The following MYO1H variants were observed in gnomAD, a reference collection of about 807,000 sequenced individuals.
MYO1H encodes myosin IH.
In MYO1H, 118 loss-of-function variants were observed where a neutral mutation model predicts 149.3. The ratio of observed to expected loss-of-function variants is 0.79; its 90% CI spans 0.68 to 0.92. The LOEUF is 0.92. Among genes scored for constraint, MYO1H ranks in the 40% least tolerant of loss-of-function variants. MYO1H has a pLI of 0.00. For synonymous variants in MYO1H, 447 were observed against 465.2 expected (o/e 0.96, Z 0.50); for missense variants, 1,212 against 1,280.7 (o/e 0.95, Z 0.82).
chr12:109,435,723 C>T (rs1871831028), intron 21 of MYO1H, among the ~76,000 whole-genome samples: 1 of 152,218 alleles, frequency 6.6e-6, no homozygotes, highest in Non-Finnish European at 1.5e-5. Context: ...ATCGTCTCCG[C>T]TTTCTATGCA....
intron 5 of MYO1H, among the ~76,000 whole-genome samples, chr12:109,398,825 C>T (rs2137046798): frequency 6.7e-6 from 1 of 148,822 alleles, no homozygotes. Context: ...GGCCAGCACT[C>T]TTTTTCGGAT....
chr12:109,379,038 G>C (rs1180478448), intron 1 of MYO1H, among the ~76,000 whole-genome samples: 4 of 152,132 alleles, frequency 2.6e-5, no homozygotes, highest in Non-Finnish European at 5.9e-5. Context: ...ATCTAAACCT[G>C]TGCTCCCTGA....
chr12:109,399,681 G>A (rs141328507), intron 5 of MYO1H, among the ~76,000 whole-genome samples: 2,866 of 152,042 alleles, frequency 0.019, 39 homozygotes, highest in South Asian at 0.051. Context: ...GGAGGTCGAG[G>A]TGAGAGGATT....
the MYO1H span, among the ~76,000 whole-genome samples, chr12:109,315,502 C>T: frequency 6.6e-6 from 1 of 152,346 alleles, no homozygotes; most frequent in African/African-American, 2.4e-5. Flanking sequence ...CAGCCACAGA[C>T]AGGCTTTGTT....
the MYO1H span, among the ~76,000 whole-genome samples, chr12:109,330,397 A>G: frequency 2.6e-5 from 4 of 152,246 alleles, no homozygotes; most frequent in Admixed American, 2.0e-4. Flanking sequence ...CAACAGACAT[A>G]CCACTTGGCT....
chr12:109,355,769 C>G (rs1367058854), intron 1 of MYO1H, among the ~76,000 whole-genome samples: 2 of 151,366 alleles, frequency 1.3e-5, no homozygotes, highest in Non-Finnish European at 2.9e-5. Context: ...CTCTGTCACC[C>G]AGGCTGGAGT....
the MYO1H span, among the ~76,000 whole-genome samples, chr12:109,341,583 G>A: frequency 6.6e-6 from 1 of 150,730 alleles, no homozygotes; most frequent in Admixed American, 6.7e-5. Context: ...GGGAAGAGGA[G>A]GATGACTTCA....
the MYO1H span, among the ~76,000 whole-genome samples, chr12:109,336,157 C>T: frequency 6.6e-6 from 1 of 152,068 alleles, no homozygotes; most frequent in East Asian, 1.9e-4. Flanking sequence ...TATATGAATC[C>T]ATTTTGCTGT....
the MYO1H span, among the ~76,000 whole-genome samples, chr12:109,334,451 C>T: frequency 6.6e-6 from 1 of 152,218 alleles, no homozygotes; most frequent in Non-Finnish European, 1.5e-5. Context: ...GCTGGGATTA[C>T]AGGTGTGAGG....
At chr12:109,409,219 CTTCTTTTT>C (rs1566031692) in intron 10 of MYO1H, among the ~76,000 whole-genome samples, 15 of 110,364 alleles carry the variant, frequency 1.4e-4, no homozygotes, top group Non-Finnish European at 2.4e-4. Context: ...TCTTCTCCTT[CTTCTTTTT>C]CTTCTTCTTC....
At position 109,407,719 on chromosome 12, in the gene MYO1H, G is replaced by GA. The variant is rs1252669748; in HGVS notation, c.1036-69dup. The GA allele has an allele frequency of 2.8e-6, 4 of 1,413,708 alleles. No individual in the cohort carries two copies. The African/African-American group carries it at 5.9e-5, about 21-fold the overall frequency. 87.6% of individuals were successfully genotyped at this position (1,413,708 alleles called of 1,614,324 possible). A position where few individuals can be genotyped will look rare whatever the true frequency, so the allele number is the denominator to read the frequency against. On this transcript the variant is annotated intron_variant, in intron 9 of 31. Coordinates refer to ENST00000310903, the Ensembl canonical transcript of MYO1H. ...TCTCATTATTTTATTTTTTTTTTAA[G>GA]AAAAAAGACTTCTTTGAACACTCTG...
chr12:109,332,572 T>C, the MYO1H span, among the ~76,000 whole-genome samples: 1 of 152,322 alleles, frequency 6.6e-6, no homozygotes, highest in South Asian at 2.1e-4. Context: ...GTGCAGCTTT[T>C]CATTTTCATT....
chr12:109,411,938 C>T (rs1433113811), exon 14 of MYO1H: 6 of 1,606,984 alleles, frequency 3.7e-6, no homozygotes. Flanking sequence ...ACTTGAGTTT[C>T]CTGGAGAAAT....
chr12:109,338,368 C>T, the MYO1H span, among the ~76,000 whole-genome samples: 26 of 152,294 alleles, frequency 1.7e-4, no homozygotes, highest in African/African-American at 6.3e-4. Context: ...TGGATGGCAA[C>T]TCACAGGGCA....
At chr12:109,447,445 C>T (rs1407151529) in exon 32 of MYO1H, 2 of 583,208 alleles carry the variant, frequency 3.4e-6, no homozygotes, top group Non-Finnish European at 3.1e-6. Context: ...ACACCCTCGA[C>T]AGGATCTATG....
the MYO1H span, among the ~76,000 whole-genome samples, chr12:109,316,497 C>T: frequency 6.6e-6 from 1 of 152,136 alleles, no homozygotes; most frequent in Non-Finnish European, 1.5e-5. Context: ...TAAACTTGTT[C>T]CAATATAGCA....
chr12:109,418,717 G>A lies in MYO1H; in HGVS notation c.1598-2264G>A, dbSNP rs574353275. Among the ~76,000 whole-genome samples, 121 of 151,584 alleles carry A rather than the reference G, an allele frequency of 8.0e-4. 3 individuals are homozygous for A. The highest frequency in any genetic ancestry group is 2.8e-3 in the African/African-American group (115 of 41,266). On this transcript the variant is annotated intron_variant, in intron 15 of 31. Coordinates refer to ENST00000310903, the Ensembl canonical transcript of MYO1H. ...GCACCCCACGCCCGGCTAGTTTTTT[G>A]TATTTTTTAGTAGAGACGGGGTTTC...
intron 1 of MYO1H, among the ~76,000 whole-genome samples, chr12:109,364,480 A>G (rs1262604468): frequency 6.6e-6 from 1 of 152,032 alleles, no homozygotes; most frequent in African/African-American, 2.4e-5. Flanking sequence ...ATGCACCACT[A>G]TGCCAGGCTA....
intron 26 of MYO1H, 146 bp downstream of exon 26, chr12:109,441,854 C>T (rs1872144545): frequency 1.7e-6 from 1 of 595,722 alleles, no homozygotes; most frequent in East Asian, 3.0e-5. Context: ...CGAGACCAGC[C>T]TGGCCAACAT....
Sources: gnomAD v4.1 joint callset for allele counts (sites outside exome capture counted in the v4.1 genomes callset) on GRCh38, gnomAD v4.1.1 for gene constraint, MANE v1.5 for transcripts, NCBI Gene and HGNC (gene_info 2026-07-23, HGNC 2026-07-21) for gene names.